TMEM132D: variants seen among roughly 807,000 people sequenced by gnomAD.
TMEM132D encodes mature OL transmembrane protein.
TMEM132D carries 21 observed loss-of-function variants against 62.3 expected under a neutral mutation model. The observed-to-expected ratio is 0.34, with a 90% confidence interval of 0.24 to 0.49. The LOEUF (loss-of-function observed/expected upper bound fraction) is 0.49. Ranked by LOEUF, TMEM132D falls within the 20% of genes least tolerant of loss-of-function variation. The probability of loss-of-function intolerance (pLI) is 0.99; values close to 1 mark genes in which losing one functional copy is unlikely to be tolerated. For missense variants in TMEM132D, 1,346 were observed against 1,402.8 expected (o/e 0.96, Z 0.65); for synonymous variants, 621 against 575.6 (o/e 1.08, Z -1.13).
At chr12:129,154,973 G>T (rs1380947411) in intron 5 of TMEM132D, among the ~76,000 whole-genome samples, 1 of 152,214 alleles carries the variant, frequency 6.6e-6, no homozygotes, top group Non-Finnish European at 1.5e-5. Context: ...ACAGGATCAA[G>T]ATCAGGAAAC....
intron 4 of TMEM132D, among the ~76,000 whole-genome samples, chr12:129,290,977 C>T (rs1009107024): frequency 2.0e-5 from 3 of 152,098 alleles, no homozygotes; most frequent in African/African-American, 7.2e-5. Flanking sequence ...CCTTAAATTG[C>T]CCATAAAGTA....
chr12:129,460,231 T>G (rs1873617551), intron 3 of TMEM132D, among the ~76,000 whole-genome samples: 1 of 152,204 alleles, frequency 6.6e-6, no homozygotes, highest in African/African-American at 2.4e-5. Context: ...TTCCCTGTGC[T>G]TGTGTATTCC....
At chr12:129,101,617 T>C (rs1458858059) in intron 5 of TMEM132D, among the ~76,000 whole-genome samples, 1 of 152,220 alleles carries the variant, frequency 6.6e-6, no homozygotes, top group African/African-American at 2.4e-5. Context: ...CCGAGGTTGC[T>C]TAGTTACTAA....
At chr12:129,551,284 T>C (rs1876887606) in intron 2 of TMEM132D, among the ~76,000 whole-genome samples, 1 of 152,242 alleles carries the variant, frequency 6.6e-6, no homozygotes, top group Non-Finnish European at 1.5e-5. Flanking sequence ...ATTAAGTTTG[T>C]GTGCTTTGCT....
At chr12:129,696,292 C>T (rs1460489558) in intron 2 of TMEM132D, among the ~76,000 whole-genome samples, 1 of 152,298 alleles carries the variant, frequency 6.6e-6, no homozygotes, top group Middle Eastern at 3.4e-3. Flanking sequence ...CTCATTCCAA[C>T]CTGGTCTTAA....
rs572103289 is a variant in TMEM132D at position 129,371,146 on chromosome 12, A to G, written c.1116-33329T>C. Among the ~76,000 whole-genome samples the G allele has an allele frequency of 6.6e-6, 1 of 152,362 alleles. No individual in the cohort carries two copies. The highest frequency in any genetic ancestry group is 1.9e-4 in the East Asian group (1 of 5,194). On this transcript the variant is annotated intron_variant, in intron 3 of 8. Coordinates refer to ENST00000422113, the MANE Select transcript of TMEM132D (RefSeq NM_133448.3). This position sits in a 1 kb window ranked among gnomAD's most constrained non-coding sequence, Gnocchi z 4.3. ...ACCAAAATATGTACAACTATGACAA[A>G]TCAATAAAAAAGTACAAAAGACTTG...
intron 4 of TMEM132D, among the ~76,000 whole-genome samples, chr12:129,281,135 G>T (rs1881133653): frequency 6.6e-6 from 1 of 151,996 alleles, no homozygotes; most frequent in African/African-American, 2.4e-5. Flanking sequence ...GATAGCAATT[G>T]TCTTCGCCAT....
intron 4 of TMEM132D, among the ~76,000 whole-genome samples, chr12:129,289,996 G>A (rs1035677203): frequency 6.6e-6 from 1 of 152,108 alleles, no homozygotes; most frequent in Non-Finnish European, 1.5e-5. Flanking sequence ...GATAACTGTT[G>A]GAATTTGAAT....
intron 4 of TMEM132D, among the ~76,000 whole-genome samples, chr12:129,225,204 G>T (rs535521599): frequency 6.6e-6 from 1 of 152,200 alleles, no homozygotes; most frequent in East Asian, 1.9e-4. Context: ...ATACATGAAA[G>T]GTGGTTATTG....
intron 3 of TMEM132D, among the ~76,000 whole-genome samples, chr12:129,359,739 G>A (rs1024327854): frequency 3.9e-5 from 6 of 151,968 alleles, no homozygotes; most frequent in Non-Finnish European, 7.4e-5. Flanking sequence ...GACATTATGA[G>A]GTAGTCAAAT....
intron 3 of TMEM132D, chr12:129,521,340 G>C (rs556372871): frequency 5.4e-4 from 82 of 152,244 alleles, no homozygotes; most frequent in African/African-American, 1.6e-3. Context: ...AGAAGTAAAC[G>C]TCTTCAAAAT....
intron 5 of TMEM132D, among the ~76,000 whole-genome samples, chr12:129,089,630 G>A (rs962068296): frequency 7.1e-6 from 1 of 140,740 alleles, no homozygotes; most frequent in Non-Finnish European, 1.6e-5. Flanking sequence ...GGCCTTGCTG[G>A]TTAAGCTTAG....
chr12:129,583,372 T>G (rs747457846), intron 2 of TMEM132D, among the ~76,000 whole-genome samples: 2 of 152,116 alleles, frequency 1.3e-5, no homozygotes, highest in Admixed American at 6.5e-5. Flanking sequence ...AATGACAACA[T>G]GAAGGAAGTT....
At chr12:129,368,245 A>ATGTGTGTGTGTGTG (rs34221350) in intron 3 of TMEM132D, among the ~76,000 whole-genome samples, 68 of 151,384 alleles carry the variant, frequency 4.5e-4, no homozygotes, top group African/African-American at 1.5e-3. Context: ...CATATGCAAA[A>ATGTGTGTGTGTGTG]TGTGTGTGTG....
Position 129,074,023 on chromosome 12 carries a change from G to C in TMEM132D, c.3152C>G (p.Thr1051Ser), listed in dbSNP as rs761446579. ...GTACTCGTCGTCTGAGGAGACGGCG[G>C]TGAAGGTGGTAAATTTTACCCTTTT... ...KRKRVKFTTFTAVSSDDEYPT... is the reference protein window; with the variant it reads ...KRKRVKFTTFSAVSSDDEYPT... The change falls in exon 9 of 9, where the codon ACC (threonine) becomes AGC (serine). Residue 1051 changes from threonine (T) to serine (S), a missense_variant. By Grantham distance (58) the Thr-to-Ser change is moderately conservative (BLOSUM62 1). Transcript: ENST00000422113. 2 of 1,614,044 alleles carry C rather than the reference G, an allele frequency of 1.2e-6. No homozygotes were observed. Among genetic ancestry groups the C allele is most frequent in the Non-Finnish European group, 1.7e-6 (2 of 1,179,956 alleles).
At chr12:129,555,696 T>G (rs908411152) in intron 2 of TMEM132D, among the ~76,000 whole-genome samples, 87 of 152,246 alleles carry the variant, frequency 5.7e-4, no homozygotes, top group African/African-American at 1.9e-3. Flanking sequence ...CTCTGCTAAT[T>G]CACCACATAT....
intron 2 of TMEM132D, among the ~76,000 whole-genome samples, chr12:129,567,267 C>T (rs1877391891): frequency 6.6e-6 from 1 of 152,182 alleles, no homozygotes; most frequent in Non-Finnish European, 1.5e-5. Context: ...GGAAGTGCAA[C>T]ATCACTAGTG....
chr12:129,652,832 A>G (rs1203280030), intron 2 of TMEM132D, among the ~76,000 whole-genome samples: 2 of 152,198 alleles, frequency 1.3e-5, no homozygotes, highest in African/African-American at 4.8e-5. Context: ...TAACATAAGC[A>G]TCACTCTTTG....
intron 2 of TMEM132D, among the ~76,000 whole-genome samples, chr12:129,561,300 T>C (rs886892692): frequency 6.6e-6 from 1 of 152,216 alleles, no homozygotes. Context: ...CATAGATCCT[T>C]CAAATGCCTT....
Sources: allele counts gnomAD v4.1 joint callset (sites outside exome capture counted in the v4.1 genomes callset), GRCh38; gene constraint gnomAD v4.1.1; non-coding constraint Gnocchi (gnomAD v3.1); transcripts MANE v1.5; gene names NCBI Gene and HGNC (gene_info 2026-07-23, HGNC 2026-07-21).